POU2F2: variants seen among roughly 807,000 people sequenced by gnomAD.
The protein encoded by POU2F2 is POU class 2 homeobox 2.
Under a neutral mutation model 63.5 loss-of-function variants are expected in POU2F2, and 14 were observed. That is an observed-to-expected ratio of 0.22 (90% CI 0.15 to 0.34). The LOEUF (loss-of-function observed/expected upper bound fraction) is 0.34. POU2F2 is among the 10% of genes least tolerant of loss of function. POU2F2 has a pLI of 1.00. For synonymous variants in POU2F2, 306 were observed against 348.6 expected, an observed-to-expected ratio of 0.88 and a Z score of 1.36; for missense variants, 607 against 815.2, an observed-to-expected ratio of 0.74 and a Z score of 3.11.
At chr19:42,171,739 C>A (rs1407436099) in intron 1 of POU2F2, among the ~76,000 whole-genome samples, 1 of 152,084 alleles carries the variant, frequency 6.6e-6, no homozygotes, top group Admixed American at 6.5e-5. Flanking sequence ...CCCCAGTCTG[C>A]TCTTATACTT....
At chr19:42,093,742 G>T in intron 12 of POU2F2, 87 bp downstream of exon 12, 1 of 1,374,130 alleles carries the variant, frequency 7.3e-7, no homozygotes, top group Non-Finnish European at 1.0e-6. Context: ...TGAGGCCCAT[G>T]GACACCCAGA....
chr19:42,142,546 TG>T (rs1053218811), intron 2 of POU2F2, among the ~76,000 whole-genome samples: 14 of 151,276 alleles, frequency 9.3e-5, no homozygotes, highest in African/African-American at 3.4e-4. Flanking sequence ...GTTTGGGGTT[TG>T]GGGGGTTTTT....
intron 2 of POU2F2, chr19:42,157,181 T>A (rs1386527290): frequency 6.6e-6 from 1 of 152,234 alleles, no homozygotes; most frequent in Non-Finnish European, 1.5e-5. Flanking sequence ...CAGTCCCCAA[T>A]AGTGAGTAGG....
intron 1 of POU2F2, among the ~76,000 whole-genome samples, chr19:42,166,592 T>C (rs928804653): frequency 1.3e-5 from 2 of 151,584 alleles, no homozygotes; most frequent in South Asian, 2.1e-4. Flanking sequence ...GCCATCAGAG[T>C]GTATGCTGGA....
intron 5 of POU2F2, among the ~76,000 whole-genome samples, chr19:42,105,850 C>T (rs1056255776): frequency 1.3e-4 from 19 of 151,978 alleles, no homozygotes; most frequent in African/African-American, 3.1e-4. Context: ...ACCATCCATT[C>T]GCCCCCAGGC....
At chr19:42,171,396 A>G (rs1042633050) in intron 1 of POU2F2, among the ~76,000 whole-genome samples, 2 of 151,334 alleles carry the variant, frequency 1.3e-5, no homozygotes, top group Non-Finnish European at 2.9e-5. Context: ...ATATGGTTGT[A>G]TATATGGGGA....
In POU2F2 at chr19:42,117,790, G is replaced by T. The variant is rs1047333107; in HGVS notation, c.187-358C>A. Among the ~76,000 whole-genome samples the T allele has an allele frequency of 2.6e-5, 4 of 151,542 alleles. 1 individual carries two copies. In the South Asian group the frequency reaches 8.4e-4, roughly 32 times the overall value. On this transcript the variant is annotated intron_variant, in intron 4 of 14. Transcript: ENST00000692977. The surrounding 1 kb of genome is among the most constrained non-coding windows in gnomAD (Gnocchi z 4.4). ...GGGTCAGGAGTTTGAAACCAGCCTGGCCAACATGGTGAAACCCCATTTCTG... is the reference window on the plus strand; with the variant it reads ...GGGTCAGGAGTTTGAAACCAGCCTGTCCAACATGGTGAAACCCCATTTCTG...
Position 42,095,339 on chromosome 19 carries a change from C to T in POU2F2, c.1144G>A (p.Ala382Thr). The change falls in exon 11 of 15, where the codon GCG (alanine) becomes ACG (threonine). Residue 382 changes from alanine to threonine, a missense_variant. Around this residue, in one of 7 missense-constraint regions of POU2F2, gnomAD observed 12 missense variants for 18.4 expected, o/e 0.65. Coordinates refer to ENST00000692977, the MANE Select transcript of POU2F2 (RefSeq NM_001394376.1). The surrounding 1 kb of genome is among the most constrained non-coding windows in gnomAD (Gnocchi z 7.1). The stretch of plus-strand genomic sequence containing the variant: ...CCTGGGCTGGGCAGCATGGGGGCCG[C>T]ACTGCAGGGGTTGATGCGTTTCTCC... Reference protein sequence around the residue: ...QKEKRINPCSAAPMLPSPGKP... With the variant: ...QKEKRINPCSTAPMLPSPGKP... The T allele has an allele frequency of 6.2e-7, 1 of 1,614,044 alleles. No homozygotes were observed. The highest frequency in any genetic ancestry group is 8.5e-7 in the Non-Finnish European group (1 of 1,180,018).
chr19:42,183,558 T>C (rs1482854701), intron 1 of POU2F2, among the ~76,000 whole-genome samples: 1 of 152,096 alleles, frequency 6.6e-6, no homozygotes, highest in Non-Finnish European at 1.5e-5. Flanking sequence ...AACTGTACAT[T>C]TACAACTGGT....
In POU2F2 at chr19:42,095,989, C is replaced by A; in HGVS notation, c.730-60G>T. 6.3e-7 allele frequency: 1 copy of A among 1,599,364 alleles called. No individual in the cohort carries two copies. The highest frequency in any genetic ancestry group is 1.8e-4 in the Middle Eastern group (1 of 5,614). ...GGGTGGGGCCTTCCGGCACTGGGCCCGCTCCGCCCGCCCACTGGCCACGCC... is the reference window on the plus strand; with the variant it reads ...GGGTGGGGCCTTCCGGCACTGGGCCAGCTCCGCCCGCCCACTGGCCACGCC... On this transcript the variant is annotated intron_variant, in intron 8 of 14. Transcript: ENST00000692977. This position sits in a 1 kb window ranked among gnomAD's most constrained non-coding sequence, Gnocchi z 7.1.
chr19:42,124,376 C>A (rs1600133668), intron 1 of POU2F2, among the ~76,000 whole-genome samples: 1 of 136,888 alleles, frequency 7.3e-6, no homozygotes, highest in Admixed American at 7.3e-5. Context: ...AACTCAGTAA[C>A]TGTAAAAAAA....
intron 1 of POU2F2, among the ~76,000 whole-genome samples, chr19:42,165,706 T>C (rs1568420831): frequency 6.6e-6 from 1 of 152,180 alleles, no homozygotes; most frequent in African/African-American, 2.4e-5. Context: ...TAATAACAGC[T>C]GCCTCATTTT....
rs1416132103 is a variant in POU2F2 at position 42,101,976 on chromosome 19, C to T, written c.370-2155G>A. Among the ~76,000 whole-genome samples, 3 of 85,304 alleles carry T rather than the reference C, an allele frequency of 3.5e-5. No individual in the cohort carries two copies. The Admixed American group carries it at 4.1e-4, about 12-fold the overall frequency. The allele number at this position is 85,304 out of a possible 152,430, so 56.0% of individuals were successfully genotyped here. A position where few individuals can be genotyped will look rare whatever the true frequency, so the allele number is the denominator to read the frequency against. ...CGGGCAACAGTATGAGACTCCATCT[C>T]AAAAAAAAAAAAAAAAGAAAGCTGA... On this transcript the variant is annotated intron_variant, in intron 5 of 14. Coordinates refer to ENST00000692977, the MANE Select transcript of POU2F2 (RefSeq NM_001394376.1).
At position 42,132,368 on chromosome 19, in the gene POU2F2, G is replaced by A. The variant is rs773746581; in HGVS notation, c.28+16C>T. The A allele has an allele frequency of 3.8e-6, 6 of 1,575,656 alleles. No individual in the cohort carries two copies. In the African/African-American group the frequency reaches 4.2e-5, roughly 11 times the overall value. On this transcript the variant is annotated intron_variant, in intron 1 of 14. Transcript: ENST00000692977. ...GCCTGTCCTCTGAGCAGTGGCACAGGCACCAGCCCCCTTACCTGGAGCCCC... is the reference window on the plus strand; with the variant it reads ...GCCTGTCCTCTGAGCAGTGGCACAGACACCAGCCCCCTTACCTGGAGCCCC...
At chr19:42,148,193 C>T (rs2034270611) in intron 2 of POU2F2, among the ~76,000 whole-genome samples, 1 of 152,110 alleles carries the variant, frequency 6.6e-6, no homozygotes, top group African/African-American at 2.4e-5. Context: ...CCACCCAGCC[C>T]TGCCCCAGCT....
Position 42,143,065 on chromosome 19 carries a change from G to A in POU2F2, c.-9+17267C>T, listed in dbSNP as rs1463115035. Among the ~76,000 whole-genome samples the A allele has an allele frequency of 2.0e-5, 3 of 152,188 alleles. No homozygotes were observed. The East Asian group carries it at 5.8e-4, about 29-fold the overall frequency. The stretch of plus-strand genomic sequence containing the variant: ...GTGGTGAATGCACAGATGTTCACTC[G>A]ATCAAGATTCATTAAACTGGCCAGG... On this transcript the variant is annotated intron_variant, in intron 2 of 6. Coordinates refer to the POU2F2 transcript ENST00000524801.
chr19:42,197,490 G>T (rs1029443325), upstream of POU2F2, among the ~76,000 whole-genome samples: 1 of 152,136 alleles, frequency 6.6e-6, no homozygotes, highest in Non-Finnish European at 1.5e-5. Flanking sequence ...TCCAGAACAG[G>T]CTCCAAGGTG....
At chr19:42,139,960 TC>T (rs2034094443) in intron 2 of POU2F2, among the ~76,000 whole-genome samples, 1 of 152,162 alleles carries the variant, frequency 6.6e-6, no homozygotes, top group Non-Finnish European at 1.5e-5. Context: ...AGGCCCACAG[TC>T]ACACAATGAG....
chr19:42,174,647 CAGTT>C (rs1476228932), intron 1 of POU2F2, among the ~76,000 whole-genome samples: 3 of 152,036 alleles, frequency 2.0e-5, no homozygotes, highest in Non-Finnish European at 2.9e-5. Flanking sequence ...CCAGCACACA[CAGTT>C]AGTCCTTCCT....
Sources: gnomAD v4.1 joint callset for allele counts (sites outside exome capture counted in the v4.1 genomes callset) on GRCh38, gnomAD v4.1.1 for gene constraint, gnomAD v4.1.1 regional missense constraint, Gnocchi (gnomAD v3.1) non-coding constraint, MANE v1.5 for transcripts, NCBI Gene and HGNC (gene_info 2026-07-23, HGNC 2026-07-21) for gene names.